The following CLVS1 variants were observed in gnomAD, a reference collection of about 807,000 sequenced individuals.
CLVS1 encodes the protein clavesin 1, also known as clavesin-1.
A neutral mutation model predicts 33.1 loss-of-function variants in CLVS1; 10 were observed. That is an observed-to-expected ratio of 0.30 (90% confidence interval 0.19 to 0.51). CLVS1 has a LOEUF of 0.51. Ranked by LOEUF, CLVS1 falls within the 20% of genes least tolerant of loss-of-function variation. The pLI, the probability that CLVS1 is intolerant of heterozygous loss-of-function variation, is 0.97. For missense variants in CLVS1, 343 were observed against 433.4 expected, an observed-to-expected ratio of 0.79 and a Z score of 1.85; for synonymous variants, 163 against 166.1, an observed-to-expected ratio of 0.98 and a Z score of 0.14.
At chr8:61,395,286 A>G (rs1338040401) in intron 3 of CLVS1, among the ~76,000 whole-genome samples, 2 of 152,206 alleles carry the variant, frequency 1.3e-5, no homozygotes, top group African/African-American at 4.8e-5. Flanking sequence ...AAAGGTGGTT[A>G]CCAGAGGCTG....
At chr8:61,130,739 C>T (rs1386562391) in intron 1 of CLVS1, among the ~76,000 whole-genome samples, 1 of 152,154 alleles carries the variant, frequency 6.6e-6, no homozygotes, top group African/African-American at 2.4e-5. Context: ...TTGAAATGTA[C>T]AGATGATAGT....
chr8:61,377,359 A>T (rs1813689316), intron 3 of CLVS1: 1 of 152,190 alleles, frequency 6.6e-6, no homozygotes, highest in Non-Finnish European at 1.5e-5. Flanking sequence ...CTTTCTAAGG[A>T]TCTGGGATTC....
intron 2 of CLVS1, among the ~76,000 whole-genome samples, chr8:61,366,305 G>A (rs558951838): frequency 6.6e-6 from 1 of 152,218 alleles, no homozygotes; most frequent in South Asian, 2.1e-4. Flanking sequence ...TGGTATACAA[G>A]CCTTCCTGTT....
chr8:61,052,306 T>G (rs1286420445), upstream of CLVS1, among the ~76,000 whole-genome samples: 1 of 151,908 alleles, frequency 6.6e-6, no homozygotes, highest in Non-Finnish European at 1.5e-5. Context: ...ACTAACTAAA[T>G]AAGTAAAACG....
At chr8:61,137,841 A>G (rs1334671693) in intron 2 of CLVS1, among the ~76,000 whole-genome samples, 1 of 152,204 alleles carries the variant, frequency 6.6e-6, no homozygotes, top group Admixed American at 6.5e-5. Flanking sequence ...TGATTAAGCC[A>G]CAGGACTCTC....
Position 61,288,042 on chromosome 8 carries a change from C to T in CLVS1, c.-248C>T, listed in dbSNP as rs1260248428. 8 of 450,428 alleles carry T rather than the reference C, an allele frequency of 1.8e-5. No homozygotes were observed. Among genetic ancestry groups the T allele is most frequent in the African/African-American group, 8.0e-5 (4 of 49,962 alleles). The allele number at this position is 450,428 out of a possible 1,614,324, so 27.9% of individuals were successfully genotyped here. ...ACAGCTTTCTAGAGAAATCTGAGCC[C>T]GAACCTGCCAGAATAGGGGATCTCA... On this transcript the variant is annotated 5_prime_UTR_variant, in exon 1 of 6. Transcript: ENST00000325897.
chr8:61,037,348 C>T, the CLVS1 span, among the ~76,000 whole-genome samples: 8 of 152,122 alleles, frequency 5.3e-5, no homozygotes, highest in African/African-American at 1.2e-4. Context: ...TCAATTTGAC[C>T]GCTCCAGGTA....
chr8:61,491,938 T>G (rs1015537316), intron 5 of CLVS1, among the ~76,000 whole-genome samples: 2 of 152,166 alleles, frequency 1.3e-5, no homozygotes, highest in African/African-American at 4.8e-5. Context: ...ACTAAGGACA[T>G]GGGTCTCCTA....
At chr8:61,134,620 A>C (rs1332925357) in intron 2 of CLVS1, among the ~76,000 whole-genome samples, 1 of 152,094 alleles carries the variant, frequency 6.6e-6, no homozygotes, top group East Asian at 1.9e-4. Context: ...GAATTCCTAC[A>C]CTTGCAGCTC....
At chr8:61,132,858 T>C (rs752351350) in intron 2 of CLVS1, among the ~76,000 whole-genome samples, 5 of 152,136 alleles carry the variant, frequency 3.3e-5, no homozygotes, top group Non-Finnish European at 5.9e-5. Context: ...CTGCCATTAG[T>C]GGAGGGGGCA....
intron 2 of CLVS1, among the ~76,000 whole-genome samples, chr8:61,231,874 C>T: frequency 6.6e-6 from 1 of 152,062 alleles, no homozygotes; most frequent in East Asian, 1.9e-4. Flanking sequence ...CTTACCCATG[C>T]TACACAATGC....
intron 2 of CLVS1, among the ~76,000 whole-genome samples, chr8:61,347,626 TTATATATATATATA>T (rs56179025): frequency 0.047 from 1,747 of 36,858 alleles, 79 homozygotes; most frequent in African/African-American, 0.059. Context: ...GGCCATTCCA[TTATATATATATATA>T]TATATATATA....
chr8:61,019,232 A>C, the CLVS1 span, among the ~76,000 whole-genome samples: 1 of 152,364 alleles, frequency 6.6e-6, no homozygotes, highest in South Asian at 2.1e-4. Context: ...GTAAAGATTC[A>C]GGAGATCTCT....
At chr8:60,976,813 G>A in the CLVS1 span, among the ~76,000 whole-genome samples, 1 of 152,226 alleles carries the variant, frequency 6.6e-6, no homozygotes, top group Admixed American at 6.5e-5. Flanking sequence ...TCCTGATGCG[G>A]CTTTCTGCCG....
chr8:61,247,755 A>G (rs1044197690), intron 2 of CLVS1, among the ~76,000 whole-genome samples: 6 of 152,072 alleles, frequency 3.9e-5, no homozygotes, highest in African/African-American at 1.2e-4. Flanking sequence ...GTCTGTTGAT[A>G]GTTTCTTTTG....
chr8:61,165,566 T>C (rs1806846449), intron 2 of CLVS1, among the ~76,000 whole-genome samples: 1 of 152,212 alleles, frequency 6.6e-6, no homozygotes, highest in Non-Finnish European at 1.5e-5. Context: ...TGTTTAAAGG[T>C]GGATGCGGTC....
intron 2 of CLVS1, among the ~76,000 whole-genome samples, chr8:61,322,591 A>C (rs1328002380): frequency 6.6e-6 from 1 of 152,120 alleles, no homozygotes; most frequent in Non-Finnish European, 1.5e-5. Flanking sequence ...GGTTTTACTC[A>C]CTTTCTCTTA....
At chr8:61,161,749 A>G (rs769412755) in intron 2 of CLVS1, among the ~76,000 whole-genome samples, 1 of 152,258 alleles carries the variant, frequency 6.6e-6, no homozygotes, top group Non-Finnish European at 1.5e-5. Context: ...TGTCAATAGT[A>G]CCATATTTAT....
At chr8:61,422,116 A>AT (rs770332927) in intron 3 of CLVS1, among the ~76,000 whole-genome samples, 2 of 150,580 alleles carry the variant, frequency 1.3e-5, no homozygotes, top group African/African-American at 2.4e-5. Context: ...TTTGAAGAAC[A>AT]TTTTTTCTCC....
Sources: gnomAD v4.1 joint callset for allele counts (sites outside exome capture counted in the v4.1 genomes callset) on GRCh38, gnomAD v4.1.1 for gene constraint, MANE v1.5 for transcripts, NCBI Gene and HGNC (gene_info 2026-07-23, HGNC 2026-07-21) for gene names.